The following TADA3 variants were observed in gnomAD, a reference collection of about 807,000 sequenced individuals.
The protein encoded by TADA3 is transcriptional adaptor 3, also known as transcriptional adapter 3.
In TADA3, 25 loss-of-function variants were observed where a neutral mutation model predicts 43.2. The ratio of observed to expected loss-of-function variants is 0.58; its 90% CI spans 0.42 to 0.81. TADA3 has a LOEUF of 0.81. Ranked by LOEUF, TADA3 falls within the 30% of genes least tolerant of loss-of-function variation. The pLI, the probability that TADA3 is intolerant of heterozygous loss-of-function variation, is 0.00. For synonymous variants in TADA3, 235 were observed against 225.5 expected (o/e 1.04, Z -0.38); for missense variants, 441 against 567.8 (o/e 0.78, Z 2.27).
chr3:9,791,166 A>AC lies in TADA3; in HGVS notation c.207+93dup, dbSNP rs1298936658. 35 of 1,298,778 alleles carry AC rather than the reference A, an allele frequency of 2.7e-5. No homozygotes were observed. The Admixed American group carries it at 5.1e-4, about 19-fold the overall frequency. The allele number at this position is 1,298,778 out of a possible 1,614,324, so 80.5% of individuals were successfully genotyped here. A position where few individuals can be genotyped will look rare whatever the true frequency, so the allele number is the denominator to read the frequency against. ...TCTCCCTCTCCCCACAAACCCCTGTACCCCAAGTCTCAGCATATGGGGCTA... is the reference window on the plus strand; with the variant it reads ...TCTCCCTCTCCCCACAAACCCCTGTACCCCCAAGTCTCAGCATATGGGGCTA... On this transcript the variant is annotated intron_variant, in intron 2 of 8. Transcript: ENST00000301964.
rs1223634941 is a variant in TADA3 at position 9,787,113 on chromosome 3, A to T, written c.707-4T>A. The T allele has an allele frequency of 5.6e-6, 9 of 1,614,048 alleles. No homozygotes were observed. Among genetic ancestry groups the T allele is most frequent in the Non-Finnish European group, 7.6e-6 (9 of 1,180,036 alleles). ...TTCTTCAGCAGGGCATCCACATCTA[A>T]GCGGGCACAGGAAAGGAGGGGAGGT... On this transcript the variant is annotated splice_polypyrimidine_tract_variant and splice_region_variant and intron_variant, in intron 5 of 8. Coordinates refer to ENST00000301964, the MANE Select transcript of TADA3 (RefSeq NM_006354.5).
Position 9,785,364 on chromosome 3 carries a change from CCT to C in TADA3, c.870_871del (p.Ala292Ter), listed in dbSNP as rs1342617130. 38 of 1,613,918 alleles carry C rather than the reference CCT, an allele frequency of 2.4e-5. No homozygotes were observed. The highest frequency in any genetic ancestry group is 4.5e-5 in the East Asian group (2 of 44,894). ...AGGGGAGGTGCTTGCCCCGTCAGCCCCTGATTCTTTCCCAGACATGTCAGGAA... is the reference window on the plus strand; with the variant it reads ...AGGGGAGGTGCTTGCCCCGTCAGCCCGATTCTTTCCCAGACATGTCAGGAA... On this transcript the variant is annotated frameshift_variant, in exon 7 of 9. Coordinates refer to ENST00000301964, the MANE Select transcript of TADA3 (RefSeq NM_006354.5). LOFTEE classifies it high-confidence loss of function.
upstream of TADA3, chr3:9,792,864 C>G (rs1575314234): frequency 7.3e-7 from 1 of 1,373,280 alleles, no homozygotes; most frequent in Non-Finnish European, 9.4e-7. Flanking sequence ...GCCGAAGGCA[C>G]AAAGGGAAGC....
At chr3:9,784,234 G>T (rs373491526) in intron 7 of TADA3, 21 bp from the exon 8 acceptor site, 1 of 1,591,570 alleles carries the variant, frequency 6.3e-7, no homozygotes, top group Admixed American at 1.7e-5. Flanking sequence ...AGGCAGGCCC[G>T]TCAGACTCAA....
upstream of TADA3, chr3:9,792,937 C>G (rs2078778697): frequency 3.6e-6 from 5 of 1,399,390 alleles, no homozygotes; most frequent in African/African-American, 6.0e-5. Context: ...AATACCGAGA[C>G]AGCCCTAGGT....
chr3:9,781,920 C>T (rs2078478839), intron 8 of TADA3, among the ~76,000 whole-genome samples: 1 of 150,176 alleles, frequency 6.7e-6, no homozygotes, highest in African/African-American at 2.5e-5. Flanking sequence ...CTCACTGCAG[C>T]CTCTACCTCC....
In TADA3 at chr3:9,787,101, C is replaced by A; in HGVS notation, c.715G>T (p.Ala239Ser). ...TGGGCCTCAGACTTCTTCAGCAGGG[C>A]ATCCACATCTAAGCGGGCACAGGAA... Reference protein sequence around the residue: ...LTELDTKDVDALLKKSEAQHE... With the variant: ...LTELDTKDVDSLLKKSEAQHE... The change falls in exon 6 of 9, where the codon GCC (alanine) becomes TCC (serine). Residue 239 changes from alanine (A) to serine (S), a missense_variant. Coordinates refer to ENST00000301964, the MANE Select transcript of TADA3 (RefSeq NM_006354.5). The A allele has an allele frequency of 6.2e-7, 1 of 1,614,208 alleles. No individual in the cohort carries two copies. The highest frequency in any genetic ancestry group is 8.5e-7 in the Non-Finnish European group (1 of 1,180,040).
chr3:9,790,073 C>A, intron 2 of TADA3, 110 bp from the exon 3 acceptor site: 1 of 1,348,586 alleles, frequency 7.4e-7, no homozygotes, highest in Middle Eastern at 2.6e-4. Flanking sequence ...CTGGGTCTTT[C>A]CCCATCCTCT....
At chr3:9,786,312 G>C (rs9855611) in intron 6 of TADA3, among the ~76,000 whole-genome samples, 1 of 152,120 alleles carries the variant, frequency 6.6e-6, no homozygotes, top group Non-Finnish European at 1.5e-5. Flanking sequence ...CAAGGCCACC[G>C]TCAGCTGGGG....
intron 8 of TADA3, chr3:9,783,442 C>A (rs1202910229): frequency 2.6e-5 from 4 of 151,698 alleles, no homozygotes; most frequent in Non-Finnish European, 5.9e-5. Flanking sequence ...GCCTCAGCCT[C>A]CCATGGAGAT....
chr3:9,786,713 G>A (rs1248076016), intron 6 of TADA3, among the ~76,000 whole-genome samples: 1 of 152,182 alleles, frequency 6.6e-6, no homozygotes, highest in Non-Finnish European at 1.5e-5. Context: ...AGAAAAACAG[G>A]GGCATGAGAG....
chr3:9,790,097 A>C, intron 2 of TADA3, 134 bp from the exon 3 acceptor site: 8 of 1,118,930 alleles, frequency 7.1e-6, no homozygotes, highest in East Asian at 2.8e-5. Flanking sequence ...TACCTAGTAA[A>C]CTCTTACTCA....
At position 9,791,392 on chromosome 3, in the gene TADA3, G is replaced by A; in HGVS notation, c.75C>T (p.Arg25=). ...CAGAGCGTGCCAGCACTGCCGTGTA[G>A]CGGGGACAGACCTTCAGGTGATCCA... ...KSVDHLKVCP[R]YTAVLARSED... The change falls in exon 2 of 9, where the codon CGC becomes CGT. Residue 25 remains arginine, a synonymous_variant. Transcript: ENST00000301964. The A allele has an allele frequency of 6.2e-7, 1 of 1,614,208 alleles. No individual in the cohort carries two copies. The highest frequency in any genetic ancestry group is 8.5e-7 in the Non-Finnish European group (1 of 1,180,008).
At position 9,780,992 on chromosome 3, in the gene TADA3, G is replaced by C. The variant is rs558474896; in HGVS notation, c.1107-443C>G. On this transcript the variant is annotated intron_variant, in intron 8 of 8. Coordinates refer to ENST00000301964, the MANE Select transcript of TADA3 (RefSeq NM_006354.5). ...TCTCTACAAAAAATTTAAAAAATTA[G>C]CTGGGTGTGGTAGTGCACACCTGTA... Among the ~76,000 whole-genome samples the C allele has an allele frequency of 6.6e-5, 10 of 152,188 alleles. No individual in the cohort carries two copies. The South Asian group carries it at 2.1e-3, about 32-fold the overall frequency.
Position 9,785,215 on chromosome 3 carries a change from GC to G in TADA3, c.920+100del, listed in dbSNP as rs111419509. On this transcript the variant is annotated intron_variant, in intron 7 of 8. Transcript: ENST00000301964. ...GACTGCTATTAGGCTTCACCTAACTGCCCCCAGCCTCTTACTGATGAGGACT... is the reference window on the plus strand; with the variant it reads ...GACTGCTATTAGGCTTCACCTAACTGCCCCAGCCTCTTACTGATGAGGACT... The G allele has an allele frequency of 1.9e-4, 159 of 846,848 alleles. 1 individual carries two copies. The African/African-American group carries it at 2.3e-3, about 12-fold the overall frequency. The allele number at this position is 846,848 out of a possible 1,614,324, so 52.5% of individuals were successfully genotyped here.
rs1327213976 is a variant in TADA3, at chr3:9,789,701, C to A, written c.458+12G>T. The A allele has an allele frequency of 6.2e-7, 1 of 1,611,082 alleles. No homozygotes were observed. The highest frequency in any genetic ancestry group is 8.5e-7 in the Non-Finnish European group (1 of 1,177,828). On this transcript the variant is annotated intron_variant, in intron 3 of 8. Transcript: ENST00000301964. ...ACCTTGAGGCCCCCTTCTATGTTCT[C>A]TAGCCCAGAACCTGTTGGGGGCATC...
chr3:9,780,295 A>G lies in TADA3; in HGVS notation c.*62T>C, dbSNP rs141327588. On this transcript the variant is annotated 3_prime_UTR_variant, in exon 9 of 9. Transcript: ENST00000301964. Reference sequence around the variant, plus strand: ...GGCCAATGTTTCCTGTGCCCAAAGAAGGAAGTGGGCCTCCCTTCCCCTCCC... The same window carrying G: ...GGCCAATGTTTCCTGTGCCCAAAGAGGGAAGTGGGCCTCCCTTCCCCTCCC... 7.3e-4 allele frequency: 1,105 copies of G among 1,514,458 alleles called. 1 individual carries two copies. The highest frequency in any genetic ancestry group is 9.1e-4 in the Middle Eastern group (5 of 5,504). The allele number at this position is 1,514,458 out of a possible 1,614,324, so 93.8% of individuals were successfully genotyped here.
intron 6 of TADA3, among the ~76,000 whole-genome samples, chr3:9,786,376 C>T (rs1188777083): frequency 6.6e-6 from 1 of 152,172 alleles, no homozygotes; most frequent in Non-Finnish European, 1.5e-5. Context: ...CCTTAGATAA[C>T]CTGCAACATG....
In TADA3 at chr3:9,784,018, T is replaced by C. The variant is rs532909048; in HGVS notation, c.1106+10A>G. 2.5e-6 allele frequency: 4 copies of C among 1,612,018 alleles called. No individual in the cohort carries two copies. The highest frequency in any genetic ancestry group is 2.2e-5 in the South Asian group (2 of 90,986). On this transcript the variant is annotated intron_variant, in intron 8 of 8. Coordinates refer to ENST00000301964, the MANE Select transcript of TADA3 (RefSeq NM_006354.5). ...CCACCCCCGGGACTGTGCATCCTGC[T>C]AACGCTCACCTCAGCAGGTCGTGCT...
Sources: gnomAD v4.1 joint callset for allele counts (sites outside exome capture counted in the v4.1 genomes callset) on GRCh38, gnomAD v4.1.1 for gene constraint, MANE v1.5 for transcripts, NCBI Gene and HGNC (gene_info 2026-07-23, HGNC 2026-07-21) for gene names.